SH3RF3: variants seen among roughly 807,000 people sequenced by gnomAD.
The protein encoded by SH3RF3 is E3 ubiquitin-protein ligase SH3RF3.
A neutral mutation model predicts 66.3 loss-of-function variants in SH3RF3; 29 were observed. The observed-to-expected ratio is 0.44, with a 90% CI of 0.33 to 0.60. The LOEUF (loss-of-function observed/expected upper bound fraction) is 0.60, where lower values mean the gene tolerates loss of function less well. Ranked by LOEUF, SH3RF3 falls within the 20% of genes least tolerant of loss-of-function variation. The pLI is 0.04. For synonymous variants in SH3RF3, 583 were observed against 532.0 expected, an observed-to-expected ratio of 1.10 and a Z score of -1.32; for missense variants, 1,194 against 1,190.9, an observed-to-expected ratio of 1.00 and a Z score of -0.04.
At chr2:109,394,315 C>A (rs1056006127) in intron 3 of SH3RF3, among the ~76,000 whole-genome samples, 8 of 152,296 alleles carry the variant, frequency 5.3e-5, no homozygotes, top group South Asian at 2.1e-4. Context: ...TAAGCGGGGT[C>A]CCCTGTGGGA....
At chr2:109,339,758 G>T (rs1376204983) in intron 1 of SH3RF3, among the ~76,000 whole-genome samples, 1 of 152,168 alleles carries the variant, frequency 6.6e-6, no homozygotes, top group African/African-American at 2.4e-5. Context: ...CACAGCATGG[G>T]ATCTCTTCCC....
intron 1 of SH3RF3, among the ~76,000 whole-genome samples, chr2:109,195,181 C>T (rs1381568619): frequency 6.8e-6 from 1 of 146,432 alleles, no homozygotes; most frequent in Non-Finnish European, 1.5e-5. Context: ...AAGTAATAAG[C>T]TCATTGGAGA....
chr2:109,257,552 A>G (rs1680250808), intron 1 of SH3RF3, among the ~76,000 whole-genome samples: 1 of 152,106 alleles, frequency 6.6e-6, no homozygotes, highest in South Asian at 2.1e-4. Context: ...CTGTGGCCCA[A>G]GTTCGTGGTG....
At chr2:109,143,958 C>T (rs1246395949) in intron 1 of SH3RF3, among the ~76,000 whole-genome samples, 1 of 152,156 alleles carries the variant, frequency 6.6e-6, no homozygotes, top group African/African-American at 2.4e-5. Flanking sequence ...CACAGAAAGG[C>T]AAATACTGTG....
chr2:109,190,260 G>A (rs1251744859), intron 1 of SH3RF3, among the ~76,000 whole-genome samples: 4 of 151,788 alleles, frequency 2.6e-5, no homozygotes, highest in African/African-American at 9.7e-5. Flanking sequence ...TGCAACCTCC[G>A]CCTCGCGGGT....
intron 1 of SH3RF3, among the ~76,000 whole-genome samples, chr2:109,316,064 G>A (rs1007192269): frequency 6.6e-6 from 1 of 152,158 alleles, no homozygotes; most frequent in African/African-American, 2.4e-5. Context: ...GATTAGATGT[G>A]GTTAGAAAAG....
intron 1 of SH3RF3, among the ~76,000 whole-genome samples, chr2:109,198,992 C>T (rs752999961): frequency 6.6e-5 from 10 of 152,252 alleles, no homozygotes; most frequent in Non-Finnish European, 1.2e-4. Context: ...CAGGTCTTCA[C>T]GTGGTGTGTG....
At chr2:109,330,870 C>T (rs891093471) in intron 1 of SH3RF3, among the ~76,000 whole-genome samples, 1 of 152,200 alleles carries the variant, frequency 6.6e-6, no homozygotes, top group African/African-American at 2.4e-5. Flanking sequence ...CTTAAGGGAC[C>T]AATTCCTCTG....
chr2:109,313,437 C>G (rs2105434917), intron 1 of SH3RF3: 1 of 153,752 alleles, frequency 6.5e-6, no homozygotes, highest in African/African-American at 2.4e-5. Flanking sequence ...GGATACAAGG[C>G]CAGGCCTCCC....
At chr2:109,295,028 A>G (rs1429825238) in intron 1 of SH3RF3, among the ~76,000 whole-genome samples, 2 of 152,246 alleles carry the variant, frequency 1.3e-5, no homozygotes, top group South Asian at 2.1e-4. Flanking sequence ...AGCCATCGCT[A>G]TGAATTCTCA....
At chr2:109,351,802 G>T (rs1227898628) in intron 2 of SH3RF3, among the ~76,000 whole-genome samples, 1 of 152,216 alleles carries the variant, frequency 6.6e-6, no homozygotes, top group African/African-American at 2.4e-5. Context: ...CCACTGTGCT[G>T]TCCTAACCCT....
intron 2 of SH3RF3, among the ~76,000 whole-genome samples, chr2:109,354,908 A>C (rs1442917171): frequency 6.6e-6 from 1 of 152,282 alleles, no homozygotes; most frequent in Non-Finnish European, 1.5e-5. Context: ...TTGTGAATGT[A>C]GTATTTACGA....
intron 1 of SH3RF3, among the ~76,000 whole-genome samples, chr2:109,329,432 G>A (rs1285323065): frequency 1.3e-5 from 2 of 152,246 alleles, no homozygotes; most frequent in Non-Finnish European, 2.9e-5. Context: ...TTTTCAATGA[G>A]ATGTAAATCA....
At chr2:109,148,528 T>C (rs1253427503) in intron 1 of SH3RF3, among the ~76,000 whole-genome samples, 2 of 152,250 alleles carry the variant, frequency 1.3e-5, no homozygotes, top group Non-Finnish European at 2.9e-5. Flanking sequence ...AGTAATTGGC[T>C]CTGGGGAATA....
At chr2:109,357,505 A>G (rs951853015) in intron 2 of SH3RF3, among the ~76,000 whole-genome samples, 2 of 152,190 alleles carry the variant, frequency 1.3e-5, no homozygotes, top group African/African-American at 4.8e-5. Context: ...TTACCTAGTG[A>G]TGAAATGATG....
intron 1 of SH3RF3, among the ~76,000 whole-genome samples, chr2:109,166,665 G>A (rs994124834): frequency 6.6e-6 from 1 of 152,184 alleles, no homozygotes; most frequent in African/African-American, 2.4e-5. Context: ...AAGGAATCGA[G>A]GGAGCAGAAA....
At position 109,396,005 on chromosome 2, in the gene SH3RF3, T is replaced by C. The variant is rs143422173; in HGVS notation, c.946-2585T>C. ...AGCCTCAGCATTATTGCTGCCATGA[T>C]TGCTGTGTAATGATGTCCCAAGTGC... On this transcript the variant is annotated intron_variant, in intron 3 of 9. Coordinates refer to ENST00000309415, the MANE Select transcript of SH3RF3 (RefSeq NM_001099289.3). Among the ~76,000 whole-genome samples the C allele has an allele frequency of 3.3e-4, 50 of 152,332 alleles. No homozygotes were observed. In the East Asian group the frequency reaches 9.4e-3, roughly 29 times the overall value.
intron 5 of SH3RF3, 115 bp downstream of exon 5, chr2:109,419,757 A>G: frequency 1.0e-6 from 1 of 971,652 alleles, no homozygotes. Flanking sequence ...CTAGTTGGCC[A>G]GTATAGTTAT....
At chr2:109,452,931 C>T (rs1284114486) in intron 8 of SH3RF3, among the ~76,000 whole-genome samples, 9 of 148,534 alleles carry the variant, frequency 6.1e-5, no homozygotes, top group African/African-American at 7.5e-5. Flanking sequence ...AGGCTGGTCC[C>T]GGGAGGCTGG....
Sources: gnomAD v4.1 joint callset for allele counts (sites outside exome capture counted in the v4.1 genomes callset) on GRCh38, gnomAD v4.1.1 for gene constraint, MANE v1.5 for transcripts, NCBI Gene and HGNC (gene_info 2026-07-23, HGNC 2026-07-21) for gene names.